Variants in TRABD2B observed in about 807,000 individuals in gnomAD.
TRABD2B encodes the protein TraB domain containing 2B, also known as metalloprotease TIKI2.
Under a neutral mutation model 40.1 loss-of-function variants are expected in TRABD2B, and 14 were observed. The observed-to-expected ratio is 0.35, with a 90% CI of 0.23 to 0.55. The LOEUF (loss-of-function observed/expected upper bound fraction) is 0.55. Ranked by LOEUF, TRABD2B falls within the 20% of genes least tolerant of loss-of-function variation. The pLI is 0.90. For missense variants in TRABD2B, 541 were observed against 648.6 expected (o/e 0.83, Z 1.80); for synonymous variants, 263 against 277.0 (o/e 0.95, Z 0.50).
rs544371159 is a variant in TRABD2B, at chr1:47,983,487, T to A, written c.666+10547A>T. ...ACATGTACCCCTGAACCTAAAAGTTTAAAAAAAAAATGACAGTCAAGGTCA... is the reference window on the plus strand; with the variant it reads ...ACATGTACCCCTGAACCTAAAAGTTAAAAAAAAAAATGACAGTCAAGGTCA... On this transcript the variant is annotated intron_variant, in intron 2 of 6. Coordinates refer to ENST00000606738, the MANE Select transcript of TRABD2B (RefSeq NM_001194986.2). Among the ~76,000 whole-genome samples the A allele has an allele frequency of 5.6e-3, 836 of 149,532 alleles. 9 individuals carry two copies. The highest frequency in any genetic ancestry group is 0.02 in the African/African-American group (800 of 40,806).
At chr1:47,848,052 A>G (rs888667822) in intron 2 of TRABD2B, among the ~76,000 whole-genome samples, 4 of 152,086 alleles carry the variant, frequency 2.6e-5, no homozygotes, top group African/African-American at 9.7e-5. Context: ...ACCCCGTTTT[A>G]CTCTGCTGTA....
intron 2 of TRABD2B, among the ~76,000 whole-genome samples, chr1:47,854,230 T>G (rs1404058984): frequency 6.6e-6 from 1 of 152,202 alleles, no homozygotes; most frequent in Non-Finnish European, 1.5e-5. Flanking sequence ...CAATGCCTAC[T>G]GTCTAGAGTT....
chr1:47,974,884 G>A (rs1447592175), intron 2 of TRABD2B, among the ~76,000 whole-genome samples: 4 of 152,202 alleles, frequency 2.6e-5, no homozygotes, highest in Non-Finnish European at 5.9e-5. Flanking sequence ...GATGTGAGGA[G>A]AATAGCACTT....
intron 2 of TRABD2B, among the ~76,000 whole-genome samples, chr1:47,905,464 A>T (rs1464067999): frequency 6.6e-6 from 1 of 152,126 alleles, no homozygotes; most frequent in East Asian, 1.9e-4. Context: ...CAGGGAGTAC[A>T]TGTTGCAACC....
At chr1:47,799,517 C>G (rs994610229) in intron 3 of TRABD2B, among the ~76,000 whole-genome samples, 1 of 152,186 alleles carries the variant, frequency 6.6e-6, no homozygotes, top group African/African-American at 2.4e-5. Flanking sequence ...ATGCCACATG[C>G]CTACATTTGC....
intron 2 of TRABD2B, among the ~76,000 whole-genome samples, chr1:47,804,215 C>T (rs1349303125): frequency 6.6e-6 from 1 of 152,218 alleles, no homozygotes; most frequent in Non-Finnish European, 1.5e-5. Context: ...TTCTCCAGGC[C>T]TCTAGGCTCT....
chr1:47,852,288 T>C (rs769695157), intron 2 of TRABD2B, among the ~76,000 whole-genome samples: 1 of 152,170 alleles, frequency 6.6e-6, no homozygotes. Flanking sequence ...CCTGGCCCCA[T>C]GGAGCCACAC....
chr1:47,819,850 G>A lies in TRABD2B; in HGVS notation c.667-18231C>T, dbSNP rs560019774. 3 of 152,238 alleles carry A rather than the reference G, an allele frequency of 2.0e-5. No individual in the cohort carries two copies. The East Asian group carries it at 5.8e-4, about 29-fold the overall frequency. The allele number at this position is 152,238 out of a possible 1,614,324, so 9.4% of individuals were successfully genotyped here. Reference sequence around the variant, plus strand: ...ATCCGATACAGTTGCATCCAATATAGGACGCAGACCAGAGACACTGGGGTA... The same window carrying A: ...ATCCGATACAGTTGCATCCAATATAAGACGCAGACCAGAGACACTGGGGTA... On this transcript the variant is annotated intron_variant, in intron 2 of 6. Transcript: ENST00000606738.
Position 47,785,259 on chromosome 1 carries a change from A to G in TRABD2B, c.989-6715T>C, listed in dbSNP as rs115168157. 9.3e-3 allele frequency among the ~76,000 whole-genome samples: 1,414 copies of G among 151,924 alleles called. 26 individuals carry two copies. The highest frequency in any genetic ancestry group is 0.032 in the African/African-American group (1,324 of 41,426). Reference sequence around the variant, plus strand: ...CAGATTCAAGCTGGGACCAAAAAACACTCTCCCAGGCAACTGTCCAGCTGT... The same window carrying G: ...CAGATTCAAGCTGGGACCAAAAAACGCTCTCCCAGGCAACTGTCCAGCTGT... On this transcript the variant is annotated intron_variant, in intron 4 of 6. Transcript: ENST00000606738.
chr1:47,771,003 C>G (rs530434554), intron 6 of TRABD2B, among the ~76,000 whole-genome samples: 1 of 152,352 alleles, frequency 6.6e-6, no homozygotes, highest in African/African-American at 2.4e-5. Context: ...GAACCCCATT[C>G]TGCCTGAATT....
At chr1:47,827,156 T>A (rs1490475101) in intron 2 of TRABD2B, among the ~76,000 whole-genome samples, 1 of 152,180 alleles carries the variant, frequency 6.6e-6, no homozygotes, top group Non-Finnish European at 1.5e-5. Context: ...CTCCCTGTAA[T>A]GCCATCTATC....
At chr1:47,993,097 A>T (rs1646036125) in intron 2 of TRABD2B, among the ~76,000 whole-genome samples, 1 of 152,222 alleles carries the variant, frequency 6.6e-6, no homozygotes, top group Non-Finnish European at 1.5e-5. Context: ...CTGTCTCCTT[A>T]ATGGGCAGCA....
chr1:47,861,253 AG>A (rs1250833995), intron 2 of TRABD2B, among the ~76,000 whole-genome samples: 1 of 149,414 alleles, frequency 6.7e-6, no homozygotes, highest in African/African-American at 2.5e-5. Context: ...AACACCTAGA[AG>A]GCATTTTTGG....
At chr1:47,993,657 C>CGTAT (rs935030043) in intron 2 of TRABD2B, among the ~76,000 whole-genome samples, 2 of 152,196 alleles carry the variant, frequency 1.3e-5, no homozygotes, top group African/African-American at 4.8e-5. Flanking sequence ...AGCCTCAATA[C>CGTAT]AGCCTCCAGG....
intron 2 of TRABD2B, among the ~76,000 whole-genome samples, chr1:47,908,455 A>G (rs575825214): frequency 1.3e-5 from 2 of 152,324 alleles, no homozygotes; most frequent in South Asian, 4.2e-4. Flanking sequence ...CAGCTTCCTC[A>G]TCTGTAAAAT....
intron 2 of TRABD2B, among the ~76,000 whole-genome samples, chr1:47,957,124 A>G (rs989435768): frequency 3.3e-5 from 5 of 152,208 alleles, no homozygotes; most frequent in African/African-American, 1.2e-4. Flanking sequence ...GCAAACTCCA[A>G]CAGACCTGCA....
At chr1:47,917,054 G>A (rs1327873822) in intron 2 of TRABD2B, among the ~76,000 whole-genome samples, 1 of 152,230 alleles carries the variant, frequency 6.6e-6, no homozygotes, top group African/African-American at 2.4e-5. Flanking sequence ...CACAGCTCCT[G>A]CAGAGCAGGG....
intron 2 of TRABD2B, among the ~76,000 whole-genome samples, chr1:47,878,311 C>A (rs185635119): frequency 2.5e-4 from 38 of 152,266 alleles, no homozygotes; most frequent in Admixed American, 2.4e-3. Flanking sequence ...GAGAGACTCT[C>A]CCCTGCACCC....
intron 2 of TRABD2B, among the ~76,000 whole-genome samples, chr1:47,831,953 C>T (rs1040696318): frequency 2.0e-5 from 3 of 151,114 alleles, no homozygotes; most frequent in East Asian, 2.0e-4. Flanking sequence ...CACTGTGATA[C>T]AGCAAAAAAA....
Sources: gnomAD v4.1 joint callset for allele counts (sites outside exome capture counted in the v4.1 genomes callset) on GRCh38, gnomAD v4.1.1 for gene constraint, MANE v1.5 for transcripts, NCBI Gene and HGNC (gene_info 2026-07-23, HGNC 2026-07-21) for gene names.